Variants in AUTS2 observed in about 807,000 individuals in gnomAD.
AUTS2 encodes autism susceptibility gene 2 protein.
A neutral mutation model predicts 112.4 loss-of-function variants in AUTS2; 17 were observed. The ratio of observed to expected loss-of-function variants is 0.15; its 90% CI spans 0.10 to 0.23. The LOEUF is 0.23. Among genes scored for constraint, AUTS2 ranks in the 10% least tolerant of loss-of-function variants. AUTS2 has a pLI of 1.00. For synonymous variants in AUTS2, 751 were observed against 702.7 expected (o/e 1.07, Z -1.09); for missense variants, 1,510 against 1,701.6 (o/e 0.89, Z 1.98).
At chr7:70,297,027 A>G (rs972413712) in intron 4 of AUTS2, among the ~76,000 whole-genome samples, 3 of 142,076 alleles carry the variant, frequency 2.1e-5, no homozygotes, top group African/African-American at 2.6e-5. Context: ...TTTTTTTTCA[A>G]TTTATAGAGA....
chr7:70,616,744 T>A (rs1804389244), intron 5 of AUTS2, among the ~76,000 whole-genome samples: 2 of 143,972 alleles, frequency 1.4e-5, no homozygotes, highest in South Asian at 4.4e-4. Flanking sequence ...CAAAATAGAG[T>A]GTCGAATAGT....
At chr7:69,806,154 C>T (rs1183899113) in intron 1 of AUTS2, among the ~76,000 whole-genome samples, 4 of 149,980 alleles carry the variant, frequency 2.7e-5, no homozygotes, top group Non-Finnish European at 4.4e-5. Flanking sequence ...CCTCCACCTC[C>T]CAAAGTGGGA....
chr7:70,156,951 C>CCTGT (rs1372176440), intron 4 of AUTS2, among the ~76,000 whole-genome samples: 1 of 136,940 alleles, frequency 7.3e-6, no homozygotes, highest in Non-Finnish European at 1.5e-5. Context: ...GTGGCAGGCA[C>CCTGT]CTGTAGTCCC....
At position 69,865,460 on chromosome 7, in the gene AUTS2, G is replaced by A. The variant is rs368376226; in HGVS notation, c.310-33826G>A. Among the ~76,000 whole-genome samples, 12 of 152,234 alleles carry A rather than the reference G, an allele frequency of 7.9e-5. No individual in the cohort carries two copies. The East Asian group carries it at 1.2e-3, about 15-fold the overall frequency. On this transcript the variant is annotated intron_variant, in intron 1 of 18. Transcript: ENST00000342771. ...GCTCTCAGTATCAGGTGGCATCCAC[G>A]CTGGTCATTGATGTTGACAGGGATG...
intron 2 of AUTS2, among the ~76,000 whole-genome samples, chr7:69,987,765 C>T (rs768113756): frequency 1.9e-4 from 29 of 152,266 alleles, no homozygotes; most frequent in Non-Finnish European, 1.0e-4. Flanking sequence ...CCACCATGTC[C>T]GGACTTTAAA....
chr7:70,498,078 G>A (rs1365604822), intron 5 of AUTS2, among the ~76,000 whole-genome samples: 1 of 152,180 alleles, frequency 6.6e-6, no homozygotes, highest in Admixed American at 6.5e-5. Flanking sequence ...GGAGTGAAAA[G>A]AAGTGGGAAG....
intron 5 of AUTS2, among the ~76,000 whole-genome samples, chr7:70,616,756 T>TG (rs923773825): frequency 1.3e-5 from 2 of 150,014 alleles, no homozygotes; most frequent in African/African-American, 4.9e-5. Flanking sequence ...TCGAATAGTT[T>TG]TTTTTTTTTT....
intron 2 of AUTS2, among the ~76,000 whole-genome samples, chr7:70,054,038 C>G (rs1036291932): frequency 6.6e-6 from 1 of 152,228 alleles, no homozygotes; most frequent in Non-Finnish European, 1.5e-5. Flanking sequence ...CCACTTGGCA[C>G]TGTCCAATAG....
chr7:70,783,458 G>A (rs1468345536), intron 15 of AUTS2: 1 of 152,152 alleles, frequency 6.6e-6, no homozygotes, highest in East Asian at 1.9e-4. Flanking sequence ...AACATAAATC[G>A]AGTTAACAGA....
intron 5 of AUTS2, among the ~76,000 whole-genome samples, chr7:70,451,718 C>G (rs926924906): frequency 1.3e-5 from 2 of 152,196 alleles, no homozygotes; most frequent in Non-Finnish European, 2.9e-5. Context: ...AGTCGTAATG[C>G]TTTGGTGATA....
intron 5 of AUTS2, among the ~76,000 whole-genome samples, chr7:70,584,614 C>T (rs1337915165): frequency 6.6e-6 from 1 of 152,258 alleles, no homozygotes; most frequent in Non-Finnish European, 1.5e-5. Flanking sequence ...TCAGCCACAG[C>T]TGCCAGCGAA....
chr7:70,321,967 A>G (rs1406482587), intron 4 of AUTS2, among the ~76,000 whole-genome samples: 1 of 152,188 alleles, frequency 6.6e-6, no homozygotes, highest in Non-Finnish European at 1.5e-5. Flanking sequence ...AAATTGAATT[A>G]TTTTGTATTT....
chr7:70,406,862 C>T (rs1186488548), intron 4 of AUTS2, among the ~76,000 whole-genome samples: 1 of 152,212 alleles, frequency 6.6e-6, no homozygotes, highest in East Asian at 1.9e-4. Flanking sequence ...AACCCAGCCG[C>T]ATCTGTGTAC....
At chr7:70,006,026 A>G (rs562650861) in intron 2 of AUTS2, among the ~76,000 whole-genome samples, 2 of 152,108 alleles carry the variant, frequency 1.3e-5, no homozygotes, top group Non-Finnish European at 2.9e-5. Context: ...AAATGCACGC[A>G]TGTGTTAGTG....
intron 5 of AUTS2, among the ~76,000 whole-genome samples, chr7:70,654,246 G>C (rs759075331): frequency 7.2e-5 from 11 of 152,110 alleles, no homozygotes; most frequent in Non-Finnish European, 1.6e-4. Context: ...CTAAACCAGG[G>C]GTCAGCAAAC....
chr7:69,656,449 A>G (rs955827492), intron 1 of AUTS2, among the ~76,000 whole-genome samples: 8 of 152,192 alleles, frequency 5.3e-5, no homozygotes, highest in African/African-American at 1.9e-4. Flanking sequence ...AAAATTGTTT[A>G]ATTTGCTTAC....
intron 5 of AUTS2, among the ~76,000 whole-genome samples, chr7:70,553,667 G>A (rs1386623521): frequency 6.6e-6 from 1 of 151,694 alleles, no homozygotes; most frequent in African/African-American, 2.4e-5. Context: ...AAATGGGACA[G>A]GGCAAGTAAT....
chr7:70,733,876 C>T (rs1332148802), intron 6 of AUTS2, among the ~76,000 whole-genome samples: 1 of 152,104 alleles, frequency 6.6e-6, no homozygotes, highest in Non-Finnish European at 1.5e-5. Context: ...CGTGAGCCAC[C>T]ACGCCTGGCC....
chr7:70,036,000 C>G (rs186240857), intron 2 of AUTS2, among the ~76,000 whole-genome samples: 2 of 152,238 alleles, frequency 1.3e-5, no homozygotes, highest in South Asian at 4.2e-4. Flanking sequence ...GTAATACTTA[C>G]AAAATGTGGT....
Sources: allele counts gnomAD v4.1 joint callset (sites outside exome capture counted in the v4.1 genomes callset), GRCh38; gene constraint gnomAD v4.1.1; transcripts MANE v1.5; gene names NCBI Gene and HGNC (gene_info 2026-07-23, HGNC 2026-07-21).